PIK3C3: variants seen among roughly 807,000 people sequenced by gnomAD.
PIK3C3 encodes the protein phosphatidylinositol 3-kinase catalytic subunit type 3, also known as PI3-kinase type 3.
Under a neutral mutation model 126.1 loss-of-function variants are expected in PIK3C3, and 95 were observed. That is an observed-to-expected ratio of 0.75 (90% confidence interval 0.64 to 0.89). The LOEUF (loss-of-function observed/expected upper bound fraction) is 0.89. PIK3C3 is among the 40% of genes least tolerant of loss of function. PIK3C3 has a pLI of 0.00. For missense variants in PIK3C3, 829 were observed against 1,063.2 expected (o/e 0.78, Z 3.06); for synonymous variants, 374 against 360.0 (o/e 1.04, Z -0.44).
chr18:41,989,171 C>T (rs1297027324), intron 5 of PIK3C3, among the ~76,000 whole-genome samples: 1 of 151,968 alleles, frequency 6.6e-6, no homozygotes, highest in Admixed American at 6.6e-5. Context: ...CAGCCACAAA[C>T]TTCTGGACTC....
At chr18:41,955,668 T>C (rs1979733730) in intron 1 of PIK3C3, among the ~76,000 whole-genome samples, 1 of 152,246 alleles carries the variant, frequency 6.6e-6, no homozygotes, top group Admixed American at 6.5e-5. Flanking sequence ...TATTTCATTG[T>C]AAATTAAGAA....
intron 21 of PIK3C3, chr18:42,049,893 A>G: frequency 4.9e-6 from 1 of 204,222 alleles, no homozygotes; most frequent in Non-Finnish European, 9.9e-6. Context: ...GAATCGCTTG[A>G]ACCCGGGAGG....
chr18:41,977,538 C>T (rs1258042326), intron 4 of PIK3C3, among the ~76,000 whole-genome samples: 1 of 151,908 alleles, frequency 6.6e-6, no homozygotes, highest in African/African-American at 2.4e-5. Flanking sequence ...CTCTGTCGTC[C>T]AGACTGGAGT....
rs571279696 is a variant in PIK3C3, at chr18:42,024,611, T to A, written c.1485-2832T>A. Reference sequence around the variant, plus strand: ...CCACCAAGCCCGGCTAATTTTGTATTTTTAGTAGAGGCGAGGTTTCTCCAT... The same window carrying A: ...CCACCAAGCCCGGCTAATTTTGTATATTTAGTAGAGGCGAGGTTTCTCCAT... On this transcript the variant is annotated intron_variant, in intron 13 of 24. Transcript: ENST00000262039. Among the ~76,000 whole-genome samples, 11 of 151,478 alleles carry A rather than the reference T, an allele frequency of 7.3e-5. No homozygotes were observed. The South Asian group carries it at 1.5e-3, about 20-fold the overall frequency.
In PIK3C3 at chr18:42,011,576, C is replaced by G. The variant is rs1227211237; in HGVS notation, c.1171-1866C>G. Among the ~76,000 whole-genome samples the G allele has an allele frequency of 3.3e-5, 5 of 152,132 alleles. No individual in the cohort carries two copies. The East Asian group carries it at 9.6e-4, about 29-fold the overall frequency. On this transcript the variant is annotated intron_variant, in intron 10 of 24. Coordinates refer to ENST00000262039, the MANE Select transcript of PIK3C3 (RefSeq NM_002647.4). ...GGCTAGTTTGATCTACCCAGACCAC[C>G]AAAACTTCTATATCAGCAATAAGGG...
chr18:41,969,042 C>T (rs1450173131), intron 3 of PIK3C3, among the ~76,000 whole-genome samples: 1 of 151,762 alleles, frequency 6.6e-6, no homozygotes, highest in Non-Finnish European at 1.5e-5. Flanking sequence ...TAGTCTCAAA[C>T]TCTTGAGCTC....
intron 22 of PIK3C3, among the ~76,000 whole-genome samples, chr18:42,059,230 A>C (rs1295266897): frequency 6.6e-6 from 1 of 152,172 alleles, no homozygotes; most frequent in Non-Finnish European, 1.5e-5. Flanking sequence ...ATGTATCACA[A>C]ACCTGTAACA....
chr18:42,070,367 A>C (rs1985723301), intron 24 of PIK3C3: 1 of 152,198 alleles, frequency 6.6e-6, no homozygotes, highest in Non-Finnish European at 1.5e-5. Context: ...TTGAGCCTTC[A>C]AGTTCTGTAA....
rs915549456 is a variant in PIK3C3 at position 41,957,517 on chromosome 18, T to C, written c.69-53T>C. 2.9e-4 allele frequency: 443 copies of C among 1,536,228 alleles called. 10 individuals are homozygous for C. In the Admixed American group the frequency reaches 8.4e-3, roughly 29 times the overall value. ...TACATGCTTAGTACTTATGTATATA[T>C]GTACATGCTTAAAAAATTCATGTCT... On this transcript the variant is annotated intron_variant, in intron 1 of 24. Coordinates refer to ENST00000262039, the MANE Select transcript of PIK3C3 (RefSeq NM_002647.4).
intron 7 of PIK3C3, among the ~76,000 whole-genome samples, chr18:41,994,671 A>C (rs961297666): frequency 2.0e-5 from 3 of 152,178 alleles, no homozygotes; most frequent in African/African-American, 4.8e-5. Context: ...GGAAAAAAAT[A>C]ATAAAATTAT....
intron 24 of PIK3C3, among the ~76,000 whole-genome samples, chr18:42,073,238 TGTTCA>T (rs1387585619): frequency 1.3e-5 from 2 of 152,178 alleles, no homozygotes; most frequent in African/African-American, 4.8e-5. Flanking sequence ...TCACTTGCAG[TGTTCA>T]AGGAGGAAAA....
At chr18:41,968,185 G>T (rs1000655903) in intron 3 of PIK3C3, among the ~76,000 whole-genome samples, 1 of 152,134 alleles carries the variant, frequency 6.6e-6, no homozygotes, top group African/African-American at 2.4e-5. Context: ...GCTTATTTTT[G>T]ATTTAGTTCA....
chr18:41,984,343 G>C (rs184093334), intron 4 of PIK3C3, among the ~76,000 whole-genome samples: 1 of 152,014 alleles, frequency 6.6e-6, no homozygotes, highest in Admixed American at 6.6e-5. Context: ...AACCACTCAA[G>C]TATATCTACA....
intron 9 of PIK3C3, among the ~76,000 whole-genome samples, chr18:42,003,328 A>G (rs547373099): frequency 1.3e-5 from 2 of 152,318 alleles, no homozygotes; most frequent in South Asian, 4.1e-4. Context: ...AACAAATAGC[A>G]ACAGAGGAAG....
rs1336448602 is a variant in PIK3C3, at chr18:41,993,250, A to G, written c.715-20A>G. On this transcript the variant is annotated intron_variant, in intron 6 of 24. Coordinates refer to ENST00000262039, the MANE Select transcript of PIK3C3 (RefSeq NM_002647.4). ...TGTATTAAATTTCTTTTTTTAAAAAATTATTGCTCTGTAATCTAGGACGGT... is the reference window on the plus strand; with the variant it reads ...TGTATTAAATTTCTTTTTTTAAAAAGTTATTGCTCTGTAATCTAGGACGGT... The G allele has an allele frequency of 1.9e-6, 3 of 1,542,860 alleles. No homozygotes were observed. Among genetic ancestry groups the G allele is most frequent in the Admixed American group, 3.5e-5 (2 of 56,536 alleles).
intron 24 of PIK3C3, among the ~76,000 whole-genome samples, chr18:42,078,798 T>C (rs947977789): frequency 6.6e-6 from 1 of 152,240 alleles, no homozygotes; most frequent in Non-Finnish European, 1.5e-5. Flanking sequence ...GTTATGGAGA[T>C]AGCTTCTTTC....
intron 14 of PIK3C3, among the ~76,000 whole-genome samples, chr18:42,028,996 G>A (rs796221980): frequency 6.6e-6 from 1 of 152,076 alleles, no homozygotes. Context: ...TAAGCCATCG[G>A]ATATTTATTG....
At chr18:41,970,275 G>C (rs931537056) in intron 3 of PIK3C3, 52 bp from the exon 4 acceptor site, 1 of 1,524,122 alleles carries the variant, frequency 6.6e-7, no homozygotes, top group African/African-American at 1.4e-5. Context: ...AAAATTTCCT[G>C]TAATGAACTG....
chr18:42,067,579 A>G, intron 24 of PIK3C3, 66 bp downstream of exon 24: 1 of 1,539,640 alleles, frequency 6.5e-7, no homozygotes, highest in Non-Finnish European at 8.9e-7. Context: ...GTCCTTGGAG[A>G]GCCATGCATT....
Sources: allele counts gnomAD v4.1 joint callset (sites outside exome capture counted in the v4.1 genomes callset), GRCh38; gene constraint gnomAD v4.1.1; transcripts MANE v1.5; gene names NCBI Gene and HGNC (gene_info 2026-07-23, HGNC 2026-07-21).